Variants in AFG3L2 observed in about 807,000 individuals in gnomAD.
AFG3L2 encodes AFG3 like matrix AAA peptidase subunit 2.
Under a neutral mutation model 94.5 loss-of-function variants are expected in AFG3L2, and 54 were observed. That is an observed-to-expected ratio of 0.57 (90% confidence interval 0.46 to 0.72). The LOEUF (loss-of-function observed/expected upper bound fraction) is 0.72. AFG3L2 is among the 30% of genes least tolerant of loss of function. The probability of loss-of-function intolerance (pLI) is 0.00; values close to 1 mark genes in which losing one functional copy is unlikely to be tolerated. For missense variants in AFG3L2, 754 were observed against 994.9 expected (o/e 0.76, Z 3.26); for synonymous variants, 377 against 365.5 (o/e 1.03, Z -0.36).
intron 1 of AFG3L2, 70 bp downstream of exon 1, chr18:12,376,899 G>T: frequency 1.7e-6 from 2 of 1,211,840 alleles, no homozygotes; most frequent in South Asian, 1.9e-5. Flanking sequence ...TGACCTTGAC[G>T]TCCGCTCTCC....
chr18:12,375,614 T>G (rs2509510), intron 1 of AFG3L2, among the ~76,000 whole-genome samples: 4 of 151,864 alleles, frequency 2.6e-5, no homozygotes, highest in Admixed American at 1.3e-4. Context: ...GGCCCGCTCT[T>G]GGCTCACTGC....
rs562991448 is a variant in AFG3L2 at position 12,336,189 on chromosome 18, A to G, written c.2175+1152T>C. Among the ~76,000 whole-genome samples the G allele has an allele frequency of 1.4e-3, 211 of 152,346 alleles. 1 individual carries two copies. Among genetic ancestry groups the G allele is most frequent in the Middle Eastern group, 3.4e-3 (1 of 294 alleles). On this transcript the variant is annotated intron_variant, in intron 16 of 16. Coordinates refer to ENST00000269143, the MANE Select transcript of AFG3L2 (RefSeq NM_006796.3). ...GGAGGATAAGAGGAGACTGCATTCT[A>G]CTAAGATGTAGGCATGGTTAAATAA...
chr18:12,360,089 T>G lies in AFG3L2; in HGVS notation c.628-38A>C, dbSNP rs748939027. The G allele has an allele frequency of 8.7e-6, 14 of 1,605,576 alleles. No homozygotes were observed. The South Asian group carries it at 1.5e-4, about 18-fold the overall frequency. On this transcript the variant is annotated intron_variant, in intron 6 of 16. Transcript: ENST00000269143. The stretch of plus-strand genomic sequence containing the variant: ...AAAAACAAATATCCTAAGAATGTAG[T>G]GAAACTAAAAGGTTCAATTCACTAA...
intron 5 of AFG3L2, 95 bp downstream of exon 5, chr18:12,366,870 G>A (rs1176483040): frequency 2.2e-5 from 33 of 1,502,994 alleles, no homozygotes; most frequent in African/African-American, 1.1e-4. Context: ...TACAATGGAC[G>A]AGCCAGGTTA....
In AFG3L2 at chr18:12,375,356, G is replaced by C. The variant is rs370778844; in HGVS notation, c.114+1613C>G. 1.2e-3 allele frequency among the ~76,000 whole-genome samples: 162 copies of C among 139,702 alleles called. 1 individual carries two copies. Among genetic ancestry groups the C allele is most frequent in the African/African-American group, 4.2e-3 (156 of 37,156 alleles). 91.6% of individuals were successfully genotyped at this position (139,702 alleles called of 152,430 possible). The stretch of plus-strand genomic sequence containing the variant: ...CTCAACCTCCCGCGCCAAGCAACCC[G>C]CCTTGGCCCCCCGAGTTGCTGGGAC... On this transcript the variant is annotated intron_variant, in intron 1 of 16. Coordinates refer to ENST00000269143, the MANE Select transcript of AFG3L2 (RefSeq NM_006796.3).
chr18:12,339,982 T>C (rs1907894790), intron 15 of AFG3L2, among the ~76,000 whole-genome samples: 1 of 152,128 alleles, frequency 6.6e-6, no homozygotes, highest in African/African-American at 2.4e-5. Context: ...ATAGAGCCAC[T>C]GCACTCCAGC....
At chr18:12,356,031 A>G (rs1236156350) in intron 9 of AFG3L2, among the ~76,000 whole-genome samples, 1 of 151,922 alleles carries the variant, frequency 6.6e-6, no homozygotes, top group Admixed American at 6.6e-5. Context: ...TGGTTGCACA[A>G]ATCTGTGAAT....
At chr18:12,370,770 T>C (rs1168098001) in intron 3 of AFG3L2, 79 bp downstream of exon 3, 10 of 1,005,476 alleles carry the variant, frequency 9.9e-6, no homozygotes, top group South Asian at 1.4e-5. Context: ...GATAACTCTT[T>C]TCTTTGTTCA....
intron 10 of AFG3L2, 44 bp from the exon 11 acceptor site, chr18:12,351,457 C>T (rs373885372): frequency 1.3e-6 from 2 of 1,519,720 alleles, no homozygotes; most frequent in Non-Finnish European, 1.8e-6. Flanking sequence ...TGACAAGAGG[C>T]AGAAAGCAAC....
intron 6 of AFG3L2, among the ~76,000 whole-genome samples, chr18:12,361,782 T>C (rs1234535016): frequency 1.3e-5 from 2 of 152,228 alleles, no homozygotes; most frequent in African/African-American, 2.4e-5. Flanking sequence ...GAAGAGTAAG[T>C]TTTATATTAT....
At chr18:12,371,089 G>T (rs1032266085) in intron 2 of AFG3L2, among the ~76,000 whole-genome samples, 163 bp from the exon 3 acceptor site, 5 of 152,048 alleles carry the variant, frequency 3.3e-5, no homozygotes, top group African/African-American at 7.2e-5. Context: ...GAGGTGGGCA[G>T]ATCACCTGAG....
chr18:12,353,396 C>G (rs1159846218), intron 9 of AFG3L2, among the ~76,000 whole-genome samples: 2 of 150,944 alleles, frequency 1.3e-5, no homozygotes, highest in Non-Finnish European at 3.0e-5. Flanking sequence ...TGCCTGTGAT[C>G]CCAGCTACTC....
chr18:12,333,477 A>G (rs1907650882), intron 16 of AFG3L2, among the ~76,000 whole-genome samples: 2 of 150,140 alleles, frequency 1.3e-5, no homozygotes, highest in African/African-American at 4.9e-5. Context: ...TGATCCTCCC[A>G]TCTCAGCCTC....
chr18:12,363,992 T>A, intron 5 of AFG3L2, 136 bp from the exon 6 acceptor site: 1 of 724,506 alleles, frequency 1.4e-6, no homozygotes, highest in Non-Finnish European at 2.4e-6. Flanking sequence ...TGCCCCCATG[T>A]TCCCCCCTAT....
chr18:12,337,687 TAGAA>T, intron 15 of AFG3L2, 152 bp from the exon 16 acceptor site: 1 of 715,738 alleles, frequency 1.4e-6, no homozygotes, highest in Non-Finnish European at 2.5e-6. Context: ...AACTCATGAC[TAGAA>T]ACACAGAGCC....
rs138378946 is a variant in AFG3L2 at position 12,355,644 on chromosome 18, G to A, written c.1164+1050C>T. Among the ~76,000 whole-genome samples the A allele has an allele frequency of 9.5e-4, 145 of 151,940 alleles. 1 individual carries two copies. The highest frequency in any genetic ancestry group is 3.4e-3 in the African/African-American group (141 of 41,430). On this transcript the variant is annotated intron_variant, in intron 9 of 16. Coordinates refer to ENST00000269143, the MANE Select transcript of AFG3L2 (RefSeq NM_006796.3). ...TGTCTGTACTAGGAAATTCCTTTGG[G>A]TAGTTTGCTTAGGACTCCCGATTTA...
Position 12,358,940 on chromosome 18 carries a change from A to G in AFG3L2, c.756T>C (p.Ser252=), listed in dbSNP as rs764449921. 1 of 1,612,232 alleles carries G rather than the reference A, an allele frequency of 6.2e-7. No individual in the cohort carries two copies. The highest frequency in any genetic ancestry group is 2.2e-5 in the East Asian group (1 of 44,868). ...PVVYIAESDG[S]FLLSMLPTVL... ...CCGTAGGCAGCATGCTCAGCAGAAAAGAGCTGGGGACACACAGCGCAACAC... is the reference window on the plus strand; with the variant it reads ...CCGTAGGCAGCATGCTCAGCAGAAAGGAGCTGGGGACACACAGCGCAACAC... Residue 252 remains serine, a synonymous_variant, in exon 8 of 17, where the codon TCT becomes TCC. Transcript: ENST00000269143.
At chr18:12,354,902 A>G (rs1297545811) in intron 9 of AFG3L2, among the ~76,000 whole-genome samples, 1 of 151,842 alleles carries the variant, frequency 6.6e-6, no homozygotes, top group Admixed American at 6.6e-5. Flanking sequence ...CTGCACAACA[A>G]CAGCAAAGTG....
rs201827561 is a variant in AFG3L2 at position 12,332,603 on chromosome 18, GA to G, written c.2176-2821del. On this transcript the variant is annotated intron_variant, in intron 16 of 16. Transcript: ENST00000269143. ...ACCACTATCAACAGTGATCAATTTA[GA>G]AACATTCTTGTTTCAGCTCTCTAGA... 7.9e-3 allele frequency among the ~76,000 whole-genome samples: 1,204 copies of G among 151,658 alleles called. 13 individuals carry two copies. Among genetic ancestry groups the G allele is most frequent in the African/African-American group, 0.028 (1,139 of 41,400 alleles).
Sources: allele counts gnomAD v4.1 joint callset (sites outside exome capture counted in the v4.1 genomes callset), GRCh38; gene constraint gnomAD v4.1.1; transcripts MANE v1.5; gene names NCBI Gene and HGNC (gene_info 2026-07-23, HGNC 2026-07-21).